OVCH1: variants seen among roughly 807,000 people sequenced by gnomAD.
The protein encoded by OVCH1 is ovochymase-1.
In OVCH1, 139 loss-of-function variants were observed where a neutral mutation model predicts 138.4. The ratio of observed to expected loss-of-function variants is 1.00; its 90% CI spans 0.87 to 1.16. The LOEUF is 1.16. OVCH1 is among the 50% of genes most tolerant of loss of function. The probability of loss-of-function intolerance (pLI) is 0.00; values close to 1 mark genes in which losing one functional copy is unlikely to be tolerated. For missense variants in OVCH1, 1,367 were observed against 1,357.9 expected, an observed-to-expected ratio of 1.01 and a Z score of -0.11; for synonymous variants, 453 against 467.8, an observed-to-expected ratio of 0.97 and a Z score of 0.41.
At chr12:29,433,108 TA>T in intron 27 of OVCH1, among the ~76,000 whole-genome samples, 1 of 152,340 alleles carries the variant, frequency 6.6e-6, no homozygotes, top group African/African-American at 2.4e-5. Flanking sequence ...TCCATCGAAG[TA>T]AACAAGCTTC....
In OVCH1 at chr12:29,497,130, G is replaced by A. The variant is rs12307321; in HGVS notation, c.65-456C>T. Among the ~76,000 whole-genome samples the A allele has an allele frequency of 5.4e-3, 818 of 152,252 alleles. 8 individuals are homozygous for A. Among genetic ancestry groups the A allele is most frequent in the African/African-American group, 0.019 (776 of 41,534 alleles). On this transcript the variant is annotated intron_variant, in intron 1 of 27. Coordinates refer to ENST00000318184, the Ensembl canonical transcript of OVCH1. ...AAAAAAATGTAAAAATTAGCCAAGT[G>A]TGGTGGTACGTGCCTATGGTCCCAG...
At chr12:29,445,181 A>C (rs539759857) in intron 23 of OVCH1, 97 bp downstream of exon 23, 2 of 1,317,576 alleles carry the variant, frequency 1.5e-6, no homozygotes, top group Admixed American at 4.8e-5. Flanking sequence ...CAGAAACATA[A>C]TTTCTTTCAA....
the OVCH1 span, among the ~76,000 whole-genome samples, chr12:29,404,622 T>A: frequency 1.3e-5 from 2 of 152,186 alleles, no homozygotes; most frequent in Non-Finnish European, 2.9e-5. Context: ...AGCATCTATA[T>A]AAATGGCCAG....
intron 8 of OVCH1, among the ~76,000 whole-genome samples, 115 bp from the exon 10 acceptor site, chr12:29,479,083 A>G (rs1250780940): frequency 2.0e-5 from 3 of 152,220 alleles, no homozygotes; most frequent in Non-Finnish European, 2.9e-5. Flanking sequence ...TTTATAGAAT[A>G]CGAGAAGATA....
rs1434679535 is a variant in OVCH1, at chr12:29,476,412, C to T, written c.1378-113G>A. 6.0e-6 allele frequency: 5 copies of T among 834,368 alleles called. 1 individual carries two copies. Among genetic ancestry groups the T allele is most frequent in the Middle Eastern group, 6.3e-4 (2 of 3,176 alleles). 51.7% of individuals were successfully genotyped at this position (834,368 alleles called of 1,614,324 possible). ...TTTGTCACATCCTCATATGCCTTCA[C>T]ATAGAAGTGTAAATAATTGCAGTCT... On this transcript the variant is annotated intron_variant, in intron 12 of 27. Coordinates refer to ENST00000318184, the Ensembl canonical transcript of OVCH1.
At chr12:29,449,935 T>C (rs576731677) in intron 22 of OVCH1, among the ~76,000 whole-genome samples, 1 of 152,260 alleles carries the variant, frequency 6.6e-6, no homozygotes, top group East Asian at 1.9e-4. Flanking sequence ...ATTTAATAAA[T>C]GGTGCTGGGA....
chr12:29,425,802 T>G (rs577915749), downstream of OVCH1: 5 of 152,328 alleles, frequency 3.3e-5, no homozygotes, highest in East Asian at 9.6e-4. Context: ...GAACAAGTTT[T>G]GTACATGGCC....
chr12:29,435,565 AG>A (rs1220002031), intron 26 of OVCH1, among the ~76,000 whole-genome samples: 2 of 152,070 alleles, frequency 1.3e-5, no homozygotes, highest in Non-Finnish European at 2.9e-5. Flanking sequence ...TGTGTTAGCC[AG>A]GATGGTCTTG....
chr12:29,424,746 T>C (rs964533724), downstream of OVCH1, among the ~76,000 whole-genome samples: 1 of 152,172 alleles, frequency 6.6e-6, no homozygotes, highest in African/African-American at 2.4e-5. Flanking sequence ...ATATTAACTA[T>C]ATGGCAAGTT....
intron 8 of OVCH1, among the ~76,000 whole-genome samples, chr12:29,482,084 A>C (rs967224125): frequency 2.0e-5 from 3 of 152,200 alleles, no homozygotes; most frequent in African/African-American, 7.2e-5. Context: ...AATGTGTCAG[A>C]TCATGATCTT....
exon 22 of OVCH1, chr12:29,451,509 AGATACCGTGGTGTGG>A: frequency 6.2e-7 from 1 of 1,613,294 alleles, no homozygotes; most frequent in East Asian, 2.2e-5. Flanking sequence ...ATAATCCAGT[AGATACCGTGGTGTGG>A]GAAAAAAGCC....
At chr12:29,416,962 C>T (rs1031140466) in intron 3 of OVCH1, among the ~76,000 whole-genome samples, 2 of 152,164 alleles carry the variant, frequency 1.3e-5, no homozygotes, top group Non-Finnish European at 2.9e-5. Context: ...CCATGGAATG[C>T]TATTCATGTA....
At chr12:29,492,390 T>A (rs530449215) in intron 4 of OVCH1, among the ~76,000 whole-genome samples, 2 of 152,112 alleles carry the variant, frequency 1.3e-5, no homozygotes, top group East Asian at 1.9e-4. Flanking sequence ...GTATGTCAGA[T>A]AATAATGACA....
chr12:29,437,513 TA>T lies in OVCH1; in HGVS notation c.3264+1814del, dbSNP rs562853185. On this transcript the variant is annotated intron_variant, in intron 26 of 27. Coordinates refer to ENST00000318184, the Ensembl canonical transcript of OVCH1. ...TTTGCTTCAAAACTATCTCTAAGTTTAACTGATCATACACAATATGTTCTGA... is the reference window on the plus strand; with the variant it reads ...TTTGCTTCAAAACTATCTCTAAGTTTACTGATCATACACAATATGTTCTGA... Among the ~76,000 whole-genome samples, 65 of 152,312 alleles carry T rather than the reference TA, an allele frequency of 4.3e-4. 2 individuals are homozygous for T. In the East Asian group the frequency reaches 0.012, roughly 27 times the overall value.
chr12:29,454,861 G>A, exon 21 of OVCH1: 1 of 1,611,164 alleles, frequency 6.2e-7, no homozygotes, highest in Non-Finnish European at 8.5e-7. Context: ...TGCACTGTCT[G>A]GTGAAGGTGT....
chr12:29,452,570 T>C (rs184235831), intron 21 of OVCH1, among the ~76,000 whole-genome samples: 1 of 152,316 alleles, frequency 6.6e-6, no homozygotes, highest in Admixed American at 6.5e-5. Context: ...AAAAATCAAA[T>C]TGTTTTCCTG....
downstream of OVCH1, among the ~76,000 whole-genome samples, chr12:29,424,979 C>T (rs184532697): frequency 2.3e-3 from 356 of 152,162 alleles, 2 homozygotes; most frequent in African/African-American, 7.8e-3. Flanking sequence ...ATCCTTAACA[C>T]GCCACATTAA....
In OVCH1 at chr12:29,491,493, G is replaced by T. The variant is rs373587387; in HGVS notation, c.455-301C>A. 5.9e-5 allele frequency among the ~76,000 whole-genome samples: 9 copies of T among 152,286 alleles called. No individual in the cohort carries two copies. The East Asian group carries it at 1.2e-3, about 20-fold the overall frequency. On this transcript the variant is annotated intron_variant, in intron 4 of 27. Transcript: ENST00000318184. The stretch of plus-strand genomic sequence containing the variant: ...TGAAAGGGTAGTTTTTCACTTGACA[G>T]TTATTGAACACAAATCCAGAGGAAT...
chr12:29,444,358 G>C, intron 23 of OVCH1, 78 bp from the exon 24 acceptor site: 1 of 1,390,758 alleles, frequency 7.2e-7, no homozygotes. Context: ...TCAGATCAAG[G>C]TAAACAGCTC....
Sources: allele counts gnomAD v4.1 joint callset (sites outside exome capture counted in the v4.1 genomes callset), GRCh38; gene constraint gnomAD v4.1.1; transcripts MANE v1.5; gene names NCBI Gene and HGNC (gene_info 2026-07-23, HGNC 2026-07-21).